SAMD5: variants seen among roughly 807,000 people sequenced by gnomAD.
SAMD5 encodes the protein sterile alpha motif domain-containing protein 5.
In SAMD5, 13 loss-of-function variants were observed where a neutral mutation model predicts 11.3. That is an observed-to-expected ratio of 1.15 (90% confidence interval 0.75 to 1.83). SAMD5 has a LOEUF of 1.83. Ranked by LOEUF, SAMD5 falls within the 40% of genes most tolerant of loss-of-function variation. The pLI is 0.00. For synonymous variants in SAMD5, 129 were observed against 111.3 expected (o/e 1.16, Z -1.00); for missense variants, 255 against 239.1 (o/e 1.07, Z -0.44).
chr6:147,895,387 C>T, the SAMD5 span, among the ~76,000 whole-genome samples: 1 of 152,130 alleles, frequency 6.6e-6, no homozygotes, highest in Admixed American at 6.5e-5. Context: ...TAGCTTGCAT[C>T]CTTATAAATT....
At chr6:147,602,817 T>C (rs2128448328) in intron 1 of SAMD5, among the ~76,000 whole-genome samples, 1 of 151,998 alleles carries the variant, frequency 6.6e-6, no homozygotes, top group Admixed American at 6.6e-5. Context: ...AGAGTAGTTC[T>C]AGAATAAGAA....
At chr6:147,795,165 C>G in the SAMD5 span, among the ~76,000 whole-genome samples, 1 of 147,516 alleles carries the variant, frequency 6.8e-6, no homozygotes, top group African/African-American at 2.5e-5. Flanking sequence ...GCTGCACCCA[C>G]TAACTCGTCA....
At chr6:147,648,463 G>T (rs1288396809) in intron 1 of SAMD5, among the ~76,000 whole-genome samples, 2 of 152,138 alleles carry the variant, frequency 1.3e-5, no homozygotes, top group Admixed American at 1.3e-4. Context: ...GACGTTGGGT[G>T]GAAACACAGC....
At chr6:147,786,840 A>C in the SAMD5 span, among the ~76,000 whole-genome samples, 5 of 152,182 alleles carry the variant, frequency 3.3e-5, no homozygotes, top group Non-Finnish European at 7.4e-5. Flanking sequence ...CTGTACTGGA[A>C]TATTCTAGTA....
chr6:147,572,507 A>C (rs1485910610), downstream of SAMD5, among the ~76,000 whole-genome samples: 1 of 151,990 alleles, frequency 6.6e-6, no homozygotes, highest in Non-Finnish European at 1.5e-5. Context: ...ACAGGGTCTC[A>C]CCCTGTCACC....
At chr6:147,807,360 C>T in the SAMD5 span, among the ~76,000 whole-genome samples, 1 of 152,116 alleles carries the variant, frequency 6.6e-6, no homozygotes, top group South Asian at 2.1e-4. Flanking sequence ...GCCTTGGCCT[C>T]CCAGAATGCT....
the SAMD5 span, among the ~76,000 whole-genome samples, chr6:147,837,485 C>A: frequency 6.6e-6 from 1 of 152,354 alleles, no homozygotes; most frequent in Non-Finnish European, 1.5e-5. Flanking sequence ...GAGGAGAAAT[C>A]TAAAGGCTTC....
At chr6:147,521,324 G>A (rs1361617599) in intron 1 of SAMD5, among the ~76,000 whole-genome samples, 3 of 151,914 alleles carry the variant, frequency 2.0e-5, no homozygotes, top group Non-Finnish European at 4.4e-5. Context: ...TGCTTTGGAA[G>A]AGCTTTTATG....
Position 147,569,275 on chromosome 6 carries a change from C to A in SAMD5, c.*4819C>A. ...AAAATTGAAGAACATAACTTTTCTACTTATGAAATAGATAATTTTTTAAAA... is the reference window on the plus strand; with the variant it reads ...AAAATTGAAGAACATAACTTTTCTAATTATGAAATAGATAATTTTTTAAAA... On this transcript the variant is annotated 3_prime_UTR_variant, in exon 2 of 2. Transcript: ENST00000367474. 6 of 363,480 alleles carry A rather than the reference C, an allele frequency of 1.7e-5. No individual in the cohort carries two copies. Among genetic ancestry groups the A allele is most frequent in the Non-Finnish European group, 2.3e-5 (6 of 263,666 alleles). 22.5% of individuals were successfully genotyped at this position (363,480 alleles called of 1,614,324 possible).
chr6:147,738,256 T>A (rs1791833966), downstream of SAMD5, among the ~76,000 whole-genome samples: 1 of 152,174 alleles, frequency 6.6e-6, no homozygotes, highest in Non-Finnish European at 1.5e-5. Flanking sequence ...TTATCTTGAG[T>A]AATTGCCTGT....
chr6:147,913,633 T>C, the SAMD5 span, among the ~76,000 whole-genome samples: 1 of 151,960 alleles, frequency 6.6e-6, no homozygotes, highest in Non-Finnish European at 1.5e-5. Flanking sequence ...GAGGCGGAGG[T>C]TGCAGTGAGC....
chr6:147,590,817 GA>G (rs1471523157), intron 1 of SAMD5, among the ~76,000 whole-genome samples: 1 of 152,132 alleles, frequency 6.6e-6, no homozygotes, highest in African/African-American at 2.4e-5. Flanking sequence ...TTTTCACCTA[GA>G]AAAATCTAAT....
chr6:147,872,271 G>GT, the SAMD5 span, among the ~76,000 whole-genome samples: 92 of 150,462 alleles, frequency 6.1e-4, no homozygotes, highest in East Asian at 2.2e-3. Context: ...ATGCCTGGCT[G>GT]TTTTTTTTTA....
At chr6:147,750,971 C>A in the SAMD5 span, among the ~76,000 whole-genome samples, 1 of 152,108 alleles carries the variant, frequency 6.6e-6, no homozygotes, top group Non-Finnish European at 1.5e-5. Flanking sequence ...GACTCCACAC[C>A]CAGCCCTAGA....
the SAMD5 span, among the ~76,000 whole-genome samples, chr6:147,846,479 A>T: frequency 1.3e-5 from 2 of 152,198 alleles, no homozygotes; most frequent in African/African-American, 4.8e-5. Context: ...TAAAGGGTAC[A>T]CTGACCTCCC....
At chr6:147,924,662 C>T in the SAMD5 span, among the ~76,000 whole-genome samples, 6 of 151,546 alleles carry the variant, frequency 4.0e-5, no homozygotes, top group South Asian at 1.0e-3. Context: ...ATCCACAAAA[C>T]TAATATATAA....
At chr6:147,846,952 T>C in the SAMD5 span, among the ~76,000 whole-genome samples, 1 of 152,226 alleles carries the variant, frequency 6.6e-6, no homozygotes, top group African/African-American at 2.4e-5. Flanking sequence ...ACTATTGTTA[T>C]AAGTCCCTGT....
At chr6:147,932,445 A>C in the SAMD5 span, among the ~76,000 whole-genome samples, 1 of 152,170 alleles carries the variant, frequency 6.6e-6, no homozygotes, top group African/African-American at 2.4e-5. Flanking sequence ...AGCAGTCATC[A>C]AAGGGTATTC....
chr6:147,646,453 A>G (rs1349016957), intron 1 of SAMD5, among the ~76,000 whole-genome samples: 1 of 152,132 alleles, frequency 6.6e-6, no homozygotes, highest in African/African-American at 2.4e-5. Flanking sequence ...CTTAATCTCA[A>G]AGGATTTCGA....
Sources: gnomAD v4.1 joint callset for allele counts (sites outside exome capture counted in the v4.1 genomes callset) on GRCh38, gnomAD v4.1.1 for gene constraint, MANE v1.5 for transcripts, NCBI Gene and HGNC (gene_info 2026-07-23, HGNC 2026-07-21) for gene names.